The following AXDND1 variants were observed in gnomAD, a reference collection of about 807,000 sequenced individuals.
AXDND1 encodes axonemal dynein light chain domain-containing protein 1.
AXDND1 carries 110 observed loss-of-function variants against 137.5 expected under a neutral mutation model. The ratio of observed to expected loss-of-function variants is 0.80; its 90% CI spans 0.69 to 0.94. The LOEUF is 0.94. Ranked by LOEUF, AXDND1 falls within the 40% of genes least tolerant of loss-of-function variation. AXDND1 has a pLI of 0.00. For synonymous variants in AXDND1, 414 were observed against 399.7 expected (o/e 1.04, Z -0.43); for missense variants, 1,191 against 1,169.8 (o/e 1.02, Z -0.26).
chr1:179,368,508 G>A (rs1392647769), intron 2 of AXDND1, among the ~76,000 whole-genome samples: 1 of 152,170 alleles, frequency 6.6e-6, no homozygotes, highest in Non-Finnish European at 1.5e-5. Context: ...ACCTGAGCAA[G>A]TGAAATGAGT....
intron 8 of AXDND1, among the ~76,000 whole-genome samples, chr1:179,384,198 G>A (rs113236169): frequency 0.018 from 2,724 of 152,082 alleles, 69 homozygotes; most frequent in African/African-American, 0.061. Context: ...ACCTTTACCC[G>A]GATTCTCCAT....
chr1:179,425,525 G>A (rs1307753801), intron 12 of AXDND1, among the ~76,000 whole-genome samples: 1 of 152,138 alleles, frequency 6.6e-6, no homozygotes, highest in Non-Finnish European at 1.5e-5. Context: ...TCAGGCACTT[G>A]TGATGGTCTC....
chr1:179,476,730 T>C (rs1020827781), intron 17 of AXDND1, among the ~76,000 whole-genome samples: 1 of 152,190 alleles, frequency 6.6e-6, no homozygotes, highest in African/African-American at 2.4e-5. Flanking sequence ...TTAATCTTAT[T>C]GGGACTCCCT....
chr1:179,406,383 A>G (rs1652976376), intron 11 of AXDND1, among the ~76,000 whole-genome samples: 1 of 152,174 alleles, frequency 6.6e-6, no homozygotes, highest in Admixed American at 6.6e-5. Flanking sequence ...TTTGTTCTAA[A>G]GTATTGCTTA....
chr1:179,550,812 T>C, intron 25 of AXDND1: 1 of 321,994 alleles, frequency 3.1e-6, no homozygotes, highest in Admixed American at 4.2e-5. Flanking sequence ...CTGTGGGAGC[T>C]GTGGCAACCT....
intron 21 of AXDND1, among the ~76,000 whole-genome samples, chr1:179,524,306 T>A (rs1670340524): frequency 6.6e-6 from 1 of 152,158 alleles, no homozygotes; most frequent in Non-Finnish European, 1.5e-5. Flanking sequence ...TGTAACTGGG[T>A]TACTGTCTAA....
At chr1:179,378,126 G>A (rs1647599524) in intron 4 of AXDND1, among the ~76,000 whole-genome samples, 2 of 152,118 alleles carry the variant, frequency 1.3e-5, no homozygotes, top group South Asian at 4.1e-4. Context: ...CTGAGATTTT[G>A]CGCCATTGCA....
chr1:179,481,117 A>G (rs994508312), intron 17 of AXDND1, among the ~76,000 whole-genome samples: 1 of 152,008 alleles, frequency 6.6e-6, no homozygotes, highest in Non-Finnish European at 1.5e-5. Context: ...ATATCTCCTA[A>G]TGCTGTCCCT....
intron 25 of AXDND1, among the ~76,000 whole-genome samples, chr1:179,542,384 G>A (rs1282260023): frequency 6.6e-6 from 1 of 152,150 alleles, no homozygotes; most frequent in African/African-American, 2.4e-5. Context: ...ACTGCTCGCA[G>A]CCCCTGGCCC....
chr1:179,366,472 A>C lies in AXDND1; in HGVS notation c.-38A>C, dbSNP rs200625562. The C allele has an allele frequency of 6.5e-7, 1 of 1,539,910 alleles. No individual in the cohort carries two copies. ...GTCTAAATTAGCTTTCCGGAGGACT[A>C]TTTCAAATTACTAAAGAGATAGGAG... On this transcript the variant is annotated 5_prime_UTR_variant, in exon 2 of 26. Transcript: ENST00000367618.
intron 18 of AXDND1, among the ~76,000 whole-genome samples, chr1:179,490,052 T>C (rs891736483): frequency 1.3e-4 from 20 of 152,228 alleles, no homozygotes; most frequent in African/African-American, 4.8e-4. Context: ...CCTAGGCTAC[T>C]ACATTTTATT....
chr1:179,483,176 G>A lies in AXDND1; in HGVS notation c.2046G>A (p.Lys682=). ...ACATGATTCAACAATGGCTTTTGAA[G>A]ATAGGCAATGAAATTAACAACGGTA... ...IFNMIQQWLL[K]IGNEINNGNI... is the part of the protein sequence containing the mutation. The change falls in exon 18 of 26, where the codon AAG becomes AAA. Residue 682 remains lysine, a synonymous_variant. Transcript: ENST00000367618. 1 of 1,610,604 alleles carries A rather than the reference G, an allele frequency of 6.2e-7. No homozygotes were observed. Among genetic ancestry groups the A allele is most frequent in the East Asian group, 2.2e-5 (1 of 44,636 alleles).
At chr1:179,378,960 A>G (rs1290571967) in intron 5 of AXDND1, among the ~76,000 whole-genome samples, 1 of 152,172 alleles carries the variant, frequency 6.6e-6, no homozygotes, top group Non-Finnish European at 1.5e-5. Flanking sequence ...AAAATGTCTT[A>G]TTTTAAGCCA....
chr1:179,517,597 G>C (rs1669666724), intron 21 of AXDND1, among the ~76,000 whole-genome samples: 4 of 152,170 alleles, frequency 2.6e-5, no homozygotes, highest in Admixed American at 2.6e-4. Flanking sequence ...GGCCTGCTTG[G>C]GGACCCTGCG....
In AXDND1 at chr1:179,369,978, A is replaced by C. The variant is rs201191947; in HGVS notation, c.274A>C (p.Thr92Pro). The change falls in exon 4 of 26, where the codon ACT becomes CCT. Residue 92 changes from threonine (T) to proline (P), a missense_variant. By Grantham distance (38) the Thr-to-Pro change is conservative. Transcript: ENST00000367618. Reference sequence around the variant, plus strand: ...ATGTGTATTTGCTTTTTCCCAGGGCACTCTTCCACGCCTTGTAGACCATGT... The same window carrying C: ...ATGTGTATTTGCTTTTTCCCAGGGCCCTCTTCCACGCCTTGTAGACCATGT... ...PPKKIKTPKGTLPRLVDHVWH... is the reference protein window; with the variant it reads ...PPKKIKTPKGPLPRLVDHVWH... 1 of 1,612,692 alleles carries C rather than the reference A, an allele frequency of 6.2e-7. No homozygotes were observed. The highest frequency in any genetic ancestry group is 8.5e-7 in the Non-Finnish European group (1 of 1,179,170).
At chr1:179,542,523 TGA>T (rs1311375176) in intron 25 of AXDND1, among the ~76,000 whole-genome samples, 1 of 152,214 alleles carries the variant, frequency 6.6e-6, no homozygotes, top group East Asian at 1.9e-4. Context: ...TGAATGCATG[TGA>T]GAGAGTTTTC....
At chr1:179,456,318 C>A in intron 16 of AXDND1, 1 of 753,000 alleles carries the variant, frequency 1.3e-6, no homozygotes, top group South Asian at 1.3e-5. Flanking sequence ...TCCACCACCA[C>A]AGGGGACAGA....
chr1:179,516,833 A>G (rs1380728878), intron 21 of AXDND1, among the ~76,000 whole-genome samples: 1 of 152,150 alleles, frequency 6.6e-6, no homozygotes, highest in East Asian at 1.9e-4. Flanking sequence ...AGTCGTGGAT[A>G]CCAGCACCTG....
chr1:179,439,488 A>T (rs1287171235), intron 15 of AXDND1, among the ~76,000 whole-genome samples: 1 of 152,168 alleles, frequency 6.6e-6, no homozygotes, highest in African/African-American at 2.4e-5. Flanking sequence ...ACTCTCCCTG[A>T]TCATGACAAA....
Sources: gnomAD v4.1 joint callset for allele counts (sites outside exome capture counted in the v4.1 genomes callset) on GRCh38, gnomAD v4.1.1 for gene constraint, MANE v1.5 for transcripts, NCBI Gene and HGNC (gene_info 2026-07-23, HGNC 2026-07-21) for gene names.